The following GPHN variants were observed in gnomAD, a reference collection of about 807,000 sequenced individuals.
The protein encoded by GPHN is gephyrin.
A neutral mutation model predicts 95.5 loss-of-function variants in GPHN; 17 were observed. The ratio of observed to expected loss-of-function variants is 0.18; its 90% CI spans 0.12 to 0.27. GPHN has a LOEUF of 0.27. Ranked by LOEUF, GPHN falls within the 10% of genes least tolerant of loss-of-function variation. The pLI, the probability that GPHN is intolerant of heterozygous loss-of-function variation, is 1.00. For synonymous variants in GPHN, 320 were observed against 322.5 expected, an observed-to-expected ratio of 0.99 and a Z score of 0.08; for missense variants, 660 against 978.1, an observed-to-expected ratio of 0.67 and a Z score of 4.34.
At chr14:67,533,742 C>G in the GPHN span, 1 of 152,038 alleles carries the variant, frequency 6.6e-6, no homozygotes, top group Non-Finnish European at 1.5e-5. Flanking sequence ...CACCCCTTCC[C>G]GCACCCCTCC....
chr14:67,240,405 G>A, the GPHN span, among the ~76,000 whole-genome samples: 1 of 152,216 alleles, frequency 6.6e-6, no homozygotes, highest in Admixed American at 6.5e-5. Flanking sequence ...AAAACCGAGA[G>A]AAATGGAAAT....
At chr14:66,934,631 C>A (rs1340897337) in intron 8 of GPHN, among the ~76,000 whole-genome samples, 3 of 152,148 alleles carry the variant, frequency 2.0e-5, no homozygotes, top group African/African-American at 7.2e-5. Context: ...TCCTGCTGAA[C>A]ATGAATGAGG....
chr14:67,695,158 C>G, the GPHN span, among the ~76,000 whole-genome samples: 3 of 152,214 alleles, frequency 2.0e-5, no homozygotes, highest in Admixed American at 2.0e-4. Context: ...GCGATTGTAA[C>G]AGCAACGAGA....
At chr14:67,174,172 A>T (rs757241663) in intron 21 of GPHN, among the ~76,000 whole-genome samples, 35 of 152,132 alleles carry the variant, frequency 2.3e-4, no homozygotes, top group Non-Finnish European at 5.9e-5. Flanking sequence ...TCCTGCACCC[A>T]TCAACTCGTC....
the GPHN span, chr14:67,254,189 T>TC: frequency 7.0e-6 from 1 of 142,350 alleles, no homozygotes; most frequent in East Asian, 2.4e-4. Context: ...TTTCTTTTTT[T>TC]TTTTTTTTTT....
At chr14:66,752,413 C>T (rs1264482254) in intron 2 of GPHN, among the ~76,000 whole-genome samples, 1 of 152,100 alleles carries the variant, frequency 6.6e-6, no homozygotes, top group Non-Finnish European at 1.5e-5. Flanking sequence ...GTGACTCTTC[C>T]TTTCACTTGA....
chr14:67,147,771 C>T (rs975592181), intron 18 of GPHN, among the ~76,000 whole-genome samples: 9 of 152,082 alleles, frequency 5.9e-5, no homozygotes, highest in East Asian at 1.9e-4. Context: ...AGGAACTTCC[C>T]GTAAAGCAAA....
intron 1 of GPHN, among the ~76,000 whole-genome samples, chr14:66,627,654 G>T (rs1365629383): frequency 2.0e-5 from 3 of 151,956 alleles, no homozygotes; most frequent in African/African-American, 7.2e-5. Flanking sequence ...AGTCCCATCA[G>T]TTTACTGTTT....
At chr14:67,572,520 G>A in the GPHN span, among the ~76,000 whole-genome samples, 350 of 152,272 alleles carry the variant, frequency 2.3e-3, 4 homozygotes, top group African/African-American at 8.1e-3. Flanking sequence ...GTTACTGAGA[G>A]CCTACTGTGG....
chr14:66,574,316 A>T (rs775593218), intron 1 of GPHN, among the ~76,000 whole-genome samples: 2 of 152,220 alleles, frequency 1.3e-5, no homozygotes, highest in Non-Finnish European at 2.9e-5. Context: ...ATTTTCTGTT[A>T]TTCATGTCAC....
chr14:67,729,424 G>T, the GPHN span: 1 of 1,567,196 alleles, frequency 6.4e-7, no homozygotes, highest in Non-Finnish European at 8.7e-7. Flanking sequence ...TGTGTGCATG[G>T]GAGGTGCCGG....
Position 67,115,271 on chromosome 14 carries a change from A to G in GPHN, c.1626+2100A>G, listed in dbSNP as rs945296062. Among the ~76,000 whole-genome samples, 13 of 152,310 alleles carry G rather than the reference A, an allele frequency of 8.5e-5. No individual in the cohort carries two copies. The South Asian group carries it at 1.7e-3, about 19-fold the overall frequency. ...AAAAAAGAGATAAATAAAGCATATT[A>G]TCTCTCCAGAAGGCTTGAAATTCTC... On this transcript the variant is annotated intron_variant, in intron 16 of 22. Transcript: ENST00000478722.
chr14:66,562,867 G>C (rs943734065), intron 1 of GPHN, among the ~76,000 whole-genome samples: 17 of 151,242 alleles, frequency 1.1e-4, no homozygotes, highest in Non-Finnish European at 4.4e-5. Context: ...TTTTGTGTCT[G>C]TGTGTGTGTG....
At chr14:67,099,368 G>A (rs1319193275) in intron 12 of GPHN, among the ~76,000 whole-genome samples, 5 of 151,554 alleles carry the variant, frequency 3.3e-5, no homozygotes, top group African/African-American at 9.7e-5. Context: ...GTATCTGCCC[G>A]CCCGGGCCTC....
intron 9 of GPHN, among the ~76,000 whole-genome samples, chr14:67,017,969 T>G (rs561109233): frequency 1.3e-5 from 2 of 152,184 alleles, no homozygotes; most frequent in East Asian, 3.9e-4. Flanking sequence ...ATATTCAGAT[T>G]TAGCAAATGT....
chr14:66,867,985 A>C (rs1221748553), intron 4 of GPHN, among the ~76,000 whole-genome samples: 1 of 152,200 alleles, frequency 6.6e-6, no homozygotes, highest in Non-Finnish European at 1.5e-5. Flanking sequence ...AGACATTCTG[A>C]ATCAGAATCT....
intron 1 of GPHN, among the ~76,000 whole-genome samples, chr14:66,518,593 A>C (rs1016292199): frequency 7.2e-5 from 11 of 152,180 alleles, no homozygotes; most frequent in Non-Finnish European, 1.6e-4. Context: ...CTAGGTGTCC[A>C]ACAGCAGATT....
chr14:67,023,623 C>T lies in GPHN; in HGVS notation c.964-10C>T, dbSNP rs1177466718. 8 of 1,612,106 alleles carry T rather than the reference C, an allele frequency of 5.0e-6. No individual in the cohort carries two copies. Among genetic ancestry groups the T allele is most frequent in the Non-Finnish European group, 6.8e-6 (8 of 1,178,312 alleles). On this transcript the variant is annotated splice_polypyrimidine_tract_variant and intron_variant, in intron 9 of 22. Coordinates refer to ENST00000478722, the MANE Select transcript of GPHN (RefSeq NM_020806.5). ...AACCCTAAATTACTGAGTTTATGCT[C>T]TTTCTACAGGTCCAGTCCAGGTGCA...
At chr14:67,191,852 T>C in the GPHN span, among the ~76,000 whole-genome samples, 14 of 152,236 alleles carry the variant, frequency 9.2e-5, no homozygotes, top group Non-Finnish European at 1.6e-4. Flanking sequence ...CTCTTTTCTT[T>C]TACTAAAAGT....
Sources: gnomAD v4.1 joint callset for allele counts (sites outside exome capture counted in the v4.1 genomes callset) on GRCh38, gnomAD v4.1.1 for gene constraint, MANE v1.5 for transcripts, NCBI Gene and HGNC (gene_info 2026-07-23, HGNC 2026-07-21) for gene names.